Variants in RPSA2 observed in about 807,000 individuals in gnomAD.
RPSA2 encodes the protein ribosomal protein SA 2, also known as small ribosomal subunit protein uS2B.
the RPSA2 span, chr19:23,758,826 G>A: frequency 1.9e-6 from 3 of 1,597,530 alleles, no homozygotes; most frequent in East Asian, 4.5e-5. Flanking sequence ...TAGAGGCTGG[G>A]CCTCTAGAAG....
At chr19:23,803,109 T>G in the RPSA2 span, among the ~76,000 whole-genome samples, 1 of 151,972 alleles carries the variant, frequency 6.6e-6, no homozygotes, top group Non-Finnish European at 1.5e-5. Flanking sequence ...TTTTTTTTTT[T>G]GGTACACTTA....
the RPSA2 span, among the ~76,000 whole-genome samples, chr19:23,774,500 T>G: frequency 6.6e-6 from 1 of 152,196 alleles, no homozygotes; most frequent in African/African-American, 2.4e-5. Context: ...GACATTACTG[T>G]TTTGCCTGGG....
At chr19:23,830,965 A>T in the RPSA2 span, among the ~76,000 whole-genome samples, 148,933 of 152,254 alleles carry the variant, frequency 0.98, 72,933 homozygotes, top group Middle Eastern at 1. Flanking sequence ...TCTCACACAT[A>T]TTCTTAGGAT....
At chr19:23,795,975 G>T in the RPSA2 span, among the ~76,000 whole-genome samples, 2 of 152,232 alleles carry the variant, frequency 1.3e-5, no homozygotes, top group South Asian at 4.1e-4. Flanking sequence ...ATGTCAGCCA[G>T]GTTGATCTCA....
the RPSA2 span, among the ~76,000 whole-genome samples, chr19:23,821,540 G>A: frequency 6.6e-6 from 1 of 152,202 alleles, no homozygotes; most frequent in Non-Finnish European, 1.5e-5. Context: ...GCTCCTGGGG[G>A]CCTAGGGAGA....
At chr19:23,765,710 A>G in the RPSA2 span, among the ~76,000 whole-genome samples, 1 of 152,206 alleles carries the variant, frequency 6.6e-6, no homozygotes, top group Non-Finnish European at 1.5e-5. Context: ...AATCTGCACA[A>G]CAAACCCCCA....
At chr19:23,791,136 T>C in the RPSA2 span, among the ~76,000 whole-genome samples, 1 of 152,188 alleles carries the variant, frequency 6.6e-6, no homozygotes, top group South Asian at 2.1e-4. Context: ...AATGAAAGTA[T>C]TAAATAATTT....
At chr19:23,759,946 G>C in the RPSA2 span, among the ~76,000 whole-genome samples, 1 of 152,128 alleles carries the variant, frequency 6.6e-6, no homozygotes, top group Non-Finnish European at 1.5e-5. Flanking sequence ...GCCAGGCCAG[G>C]CCATCTCAAC....
the RPSA2 span, chr19:23,831,599 A>C: frequency 1.2e-5 from 2 of 170,700 alleles, no homozygotes; most frequent in African/African-American, 4.8e-5. Context: ...TTTTTTAGGT[A>C]TATGCCCTCA....
At chr19:23,839,108 G>A in the RPSA2 span, among the ~76,000 whole-genome samples, 356 of 152,138 alleles carry the variant, frequency 2.3e-3, no homozygotes, top group African/African-American at 8.5e-3. Context: ...CACCTTAGCT[G>A]TATCCCAGAG....
the RPSA2 span, among the ~76,000 whole-genome samples, chr19:23,842,117 C>T: frequency 6.6e-6 from 1 of 152,214 alleles, no homozygotes; most frequent in Non-Finnish European, 1.5e-5. Context: ...ACTCAGGTCT[C>T]ATCCCACATC....
chr19:23,825,314 G>A, the RPSA2 span, among the ~76,000 whole-genome samples: 2 of 151,812 alleles, frequency 1.3e-5, no homozygotes, highest in Admixed American at 1.3e-4. Context: ...TATATTTTAG[G>A]GTATGCCACC....
chr19:23,799,727 T>G, the RPSA2 span, among the ~76,000 whole-genome samples: 23 of 150,314 alleles, frequency 1.5e-4, no homozygotes, highest in Admixed American at 4.7e-4. Flanking sequence ...TTCAACCACT[T>G]TTGTAGAAGA....
At chr19:23,760,895 C>T in the RPSA2 span, among the ~76,000 whole-genome samples, 2 of 151,380 alleles carry the variant, frequency 1.3e-5, no homozygotes, top group African/African-American at 4.8e-5. Context: ...GAACTCCTGA[C>T]CTCAGGTGAT....
chr19:23,784,197 A>G, the RPSA2 span, among the ~76,000 whole-genome samples: 4 of 152,174 alleles, frequency 2.6e-5, no homozygotes, highest in Admixed American at 2.0e-4. Flanking sequence ...TTTCTGTACA[A>G]ATGTCATAGA....
chr19:23,851,718 AT>A, the RPSA2 span, among the ~76,000 whole-genome samples: 2 of 152,182 alleles, frequency 1.3e-5, no homozygotes, highest in South Asian at 2.1e-4. Context: ...CATAACCAGC[AT>A]TTCCGTTACT....
chr19:23,779,826 G>A, the RPSA2 span, among the ~76,000 whole-genome samples: 10 of 152,294 alleles, frequency 6.6e-5, no homozygotes, highest in East Asian at 1.5e-3. Flanking sequence ...TCAGGCCCCA[G>A]CCACCAAGTG....
At chr19:23,798,601 ATT>A in the RPSA2 span, among the ~76,000 whole-genome samples, 1 of 152,154 alleles carries the variant, frequency 6.6e-6, no homozygotes, top group African/African-American at 2.4e-5. Flanking sequence ...AGTTACAGAA[ATT>A]TTTTAAAAAA....
At chr19:23,789,277 TG>T in the RPSA2 span, among the ~76,000 whole-genome samples, 2 of 152,106 alleles carry the variant, frequency 1.3e-5, no homozygotes, top group Admixed American at 1.3e-4. Context: ...CTGAGATAAC[TG>T]GCATGAGCCA....
Sources: gnomAD v4.1 joint callset for allele counts (sites outside exome capture counted in the v4.1 genomes callset) on GRCh38, gnomAD v4.1.1 for gene constraint, MANE v1.5 for transcripts, NCBI Gene and HGNC (gene_info 2026-07-23, HGNC 2026-07-21) for gene names.